Variants in AHR observed in about 807,000 individuals in gnomAD.
The protein encoded by AHR is AH-receptor.
AHR carries 40 observed loss-of-function variants against 86.8 expected under a neutral mutation model. That is an observed-to-expected ratio of 0.46 (90% CI 0.36 to 0.60). The LOEUF (loss-of-function observed/expected upper bound fraction) is 0.60, where lower values mean the gene tolerates loss of function less well. AHR is among the 20% of genes least tolerant of loss of function. The probability of loss-of-function intolerance (pLI) is 0.00; values close to 1 mark genes in which losing one functional copy is unlikely to be tolerated. For missense variants in AHR, 1,001 were observed against 1,011.6 expected, an observed-to-expected ratio of 0.99 and a Z score of 0.14; for synonymous variants, 398 against 354.9, an observed-to-expected ratio of 1.12 and a Z score of -1.37.
intron 1 of AHR, among the ~76,000 whole-genome samples, chr7:17,308,262 C>T (rs1178677644): frequency 6.6e-6 from 1 of 152,044 alleles, no homozygotes; most frequent in Non-Finnish European, 1.5e-5. Flanking sequence ...TGGGGGAATT[C>T]TTACAGTTCA....
intron 6 of AHR, among the ~76,000 whole-genome samples, chr7:17,331,223 A>G (rs1440740659): frequency 6.6e-6 from 1 of 151,918 alleles, no homozygotes; most frequent in African/African-American, 2.4e-5. Flanking sequence ...TAGCTTATAT[A>G]GTAAATGAAG....
chr7:17,309,641 A>G (rs1302299149), intron 1 of AHR, among the ~76,000 whole-genome samples: 1 of 152,240 alleles, frequency 6.6e-6, no homozygotes, highest in Non-Finnish European at 1.5e-5. Flanking sequence ...GGGGAAAAAA[A>G]TCCCAGTAGA....
chr7:17,327,121 T>A (rs1483517908), intron 3 of AHR, among the ~76,000 whole-genome samples: 1 of 152,050 alleles, frequency 6.6e-6, no homozygotes, highest in Non-Finnish European at 1.5e-5. Flanking sequence ...TACATGTGAA[T>A]GTGCTGTGAA....
At chr7:17,310,901 C>T (rs2115353471) in intron 2 of AHR, among the ~76,000 whole-genome samples, 1 of 152,224 alleles carries the variant, frequency 6.6e-6, no homozygotes, top group Admixed American at 6.5e-5. Context: ...ATGTTTTTCA[C>T]TAGAAAGAAC....
chr7:17,342,633 C>T (rs1782438205), intron 10 of AHR, among the ~76,000 whole-genome samples: 1 of 152,112 alleles, frequency 6.6e-6, no homozygotes, highest in Non-Finnish European at 1.5e-5. Flanking sequence ...TCAATTCCTA[C>T]CTGACCCAAA....
chr7:17,312,663 T>C (rs1245928484), intron 2 of AHR, among the ~76,000 whole-genome samples: 1 of 152,218 alleles, frequency 6.6e-6, no homozygotes, highest in Non-Finnish European at 1.5e-5. Context: ...TTTTCTCAGC[T>C]CTTCATTAAT....
Position 17,339,878 on chromosome 7 carries a change from T to C in AHR, c.2053T>C (p.Phe685Leu), listed in dbSNP as rs1782400128. ...FTDLHGISQE[F>L]PYKSEMDSMP... ...AGACTTACATGGGATCAGTCAAGAGTTCCCCTACAAATCTGAAATGGATTC... is the reference window on the plus strand; with the variant it reads ...AGACTTACATGGGATCAGTCAAGAGCTCCCCTACAAATCTGAAATGGATTC... Residue 685 changes from phenylalanine (F) to leucine (L), a missense_variant, in exon 10 of 11, where the codon TTC (phenylalanine) becomes CTC (leucine). Transcript: ENST00000242057. 1 of 1,614,062 alleles carries C rather than the reference T, an allele frequency of 6.2e-7. No homozygotes were observed. The highest frequency in any genetic ancestry group is 1.3e-5 in the African/African-American group (1 of 75,004).
intron 4 of AHR, among the ~76,000 whole-genome samples, chr7:17,329,679 C>T (rs896254964): frequency 6.6e-6 from 1 of 151,850 alleles, no homozygotes; most frequent in Non-Finnish European, 1.5e-5. Flanking sequence ...TAATATGTTG[C>T]ATTTAAGGAA....
chr7:17,298,701 C>T lies in AHR; in HGVS notation c.-564C>T, dbSNP rs2115346268. The stretch of plus-strand genomic sequence containing the variant: ...CTCTGTTCCGAGAGCGTGCCCCGGA[C>T]CGCCAGCTCAGAACAGGGGCAGCCG... On this transcript the variant is annotated 5_prime_UTR_variant, in exon 1 of 11. Coordinates refer to ENST00000242057, the MANE Select transcript of AHR (RefSeq NM_001621.5). The T allele has an allele frequency of 5.0e-6, 2 of 396,548 alleles. No individual in the cohort carries two copies. Among genetic ancestry groups the T allele is most frequent in the East Asian group, 7.2e-5 (2 of 27,942 alleles). The allele number at this position is 396,548 out of a possible 1,614,324, so 24.6% of individuals were successfully genotyped here. A position where few individuals can be genotyped will look rare whatever the true frequency, so the allele number is the denominator to read the frequency against.
chr7:17,324,605 AGCCTG>A (rs201184112), intron 3 of AHR, among the ~76,000 whole-genome samples: 3,514 of 152,300 alleles, frequency 0.023, 50 homozygotes, highest in Non-Finnish European at 0.035. Context: ...GTTCAAGACC[AGCCTG>A]GCCAACATAG....
At chr7:17,300,873 C>T (rs1427342152) in intron 1 of AHR, among the ~76,000 whole-genome samples, 1 of 151,894 alleles carries the variant, frequency 6.6e-6, no homozygotes, top group Admixed American at 6.6e-5. Context: ...ATGAAGATCT[C>T]CCTGATGTGT....
Position 17,346,125 on chromosome 7 carries a change from T to C in AHR, c.*3061T>C, listed in dbSNP as rs557043530. The C allele has an allele frequency of 2.0e-5, 3 of 152,396 alleles. No individual in the cohort carries two copies. Among genetic ancestry groups the C allele is most frequent in the Non-Finnish European group, 4.4e-5 (3 of 67,982 alleles). The allele number at this position is 152,396 out of a possible 1,614,324, so 9.4% of individuals were successfully genotyped here. On this transcript the variant is annotated 3_prime_UTR_variant, in exon 11 of 11. Transcript: ENST00000242057. Reference sequence around the variant, plus strand: ...ATTATCAAAGTTGTATACAATAATATATAATAAAATAACAAATATGAATAA... The same window carrying C: ...ATTATCAAAGTTGTATACAATAATACATAATAAAATAACAAATATGAATAA...
intron 3 of AHR, among the ~76,000 whole-genome samples, chr7:17,324,897 ATAAC>A (rs1302745010): frequency 1.1e-4 from 16 of 152,214 alleles, no homozygotes; most frequent in Non-Finnish European, 1.9e-4. Context: ...AACAATGTGA[ATAAC>A]TGTGTCTTTA....
chr7:17,316,723 T>G (rs2282883), intron 2 of AHR, among the ~76,000 whole-genome samples: 2 of 151,886 alleles, frequency 1.3e-5, no homozygotes, highest in Non-Finnish European at 2.9e-5. Context: ...TCTCATACAA[T>G]TGTCATATTT....
At chr7:17,342,329 T>C (rs561520720) in intron 10 of AHR, among the ~76,000 whole-genome samples, 5 of 152,172 alleles carry the variant, frequency 3.3e-5, no homozygotes, top group Non-Finnish European at 7.4e-5. Flanking sequence ...CATTTTCTTT[T>C]GGTAACTTGA....
Position 17,343,022 on chromosome 7 carries a change from A to G in AHR, c.2505A>G (p.Glu835=). Residue 835 remains glutamate, a synonymous_variant, in exon 11 of 11, where the codon GAA becomes GAG. Transcript: ENST00000242057. ...THLQPLHHPS[E]ARPFPDLTSS... Reference sequence around the variant, plus strand: ...TTCAGCCACTTCATCATCCGTCAGAAGCCAGACCTTTTCCTGATTTGACAT... The same window carrying G: ...TTCAGCCACTTCATCATCCGTCAGAGGCCAGACCTTTTCCTGATTTGACAT... 1 of 1,613,966 alleles carries G rather than the reference A, an allele frequency of 6.2e-7. No individual in the cohort carries two copies. Among genetic ancestry groups the G allele is most frequent in the Non-Finnish European group, 8.5e-7 (1 of 1,179,896 alleles).
intron 4 of AHR, 94 bp from the exon 5 acceptor site, chr7:17,329,858 C>G (rs1483468765): frequency 1.1e-5 from 12 of 1,124,458 alleles, no homozygotes; most frequent in Admixed American, 2.7e-5. Flanking sequence ...TCACCACTAG[C>G]AAGCACCCAC....
In AHR at chr7:17,299,083, G is replaced by T. The variant is rs969077675; in HGVS notation, c.-182G>T. On this transcript the variant is annotated 5_prime_UTR_variant, in exon 1 of 11. Transcript: ENST00000242057. ...ACCTGTACTGGCGCGGGCTGCGGAA[G>T]CCTGCGTGAGCCGAGGCGTTGAGGC... 3.4e-6 allele frequency: 2 copies of T among 595,518 alleles called. No homozygotes were observed. Among genetic ancestry groups the T allele is most frequent in the Middle Eastern group, 9.1e-4 (2 of 2,194 alleles). 36.9% of individuals were successfully genotyped at this position (595,518 alleles called of 1,614,324 possible).
At chr7:17,331,786 C>T (rs1782298246) in intron 6 of AHR, among the ~76,000 whole-genome samples, 1 of 151,982 alleles carries the variant, frequency 6.6e-6, no homozygotes, top group Admixed American at 6.6e-5. Context: ...CTCATTGTAT[C>T]CTTAGCTCAT....
Sources: allele counts gnomAD v4.1 joint callset (sites outside exome capture counted in the v4.1 genomes callset), GRCh38; gene constraint gnomAD v4.1.1; transcripts MANE v1.5; gene names NCBI Gene and HGNC (gene_info 2026-07-23, HGNC 2026-07-21).